Variants in SP140 observed in about 807,000 individuals in gnomAD.
The protein encoded by SP140 is SP140 nuclear body protein.
Under a neutral mutation model 125.0 loss-of-function variants are expected in SP140, and 81 were observed. The ratio of observed to expected loss-of-function variants is 0.65; its 90% CI spans 0.54 to 0.78. The LOEUF (loss-of-function observed/expected upper bound fraction) is 0.78, where lower values mean the gene tolerates loss of function less well. SP140 is among the 30% of genes least tolerant of loss of function. SP140 has a pLI of 0.00. For synonymous variants in SP140, 312 were observed against 354.0 expected (o/e 0.88, Z 1.33); for missense variants, 858 against 1,037.0 (o/e 0.83, Z 2.37).
upstream of SP140, among the ~76,000 whole-genome samples, chr2:230,220,972 A>G (rs1896260): frequency 0.024 from 3,718 of 152,080 alleles, 154 homozygotes; most frequent in African/African-American, 0.085. Flanking sequence ...TGATTGCACC[A>G]CTGCACTATA....
At chr2:230,292,881 C>T (rs2149491308) in intron 20 of SP140, 93 bp downstream of exon 20, 1 of 1,560,594 alleles carries the variant, frequency 6.4e-7, no homozygotes, top group East Asian at 2.3e-5. Flanking sequence ...TAGGTTATAG[C>T]TAAAGCCTTG....
upstream of SP140, chr2:230,221,756 C>T: frequency 6.5e-7 from 1 of 1,535,004 alleles, no homozygotes; most frequent in Non-Finnish European, 8.7e-7. Flanking sequence ...ATCTGAGGAT[C>T]CTGGCAGCAA....
the SP140 span, among the ~76,000 whole-genome samples, chr2:230,186,722 T>A: frequency 6.6e-6 from 1 of 152,174 alleles, no homozygotes; most frequent in South Asian, 2.1e-4. Flanking sequence ...AGTACTAATA[T>A]CTTAGCTCCC....
the SP140 span, among the ~76,000 whole-genome samples, chr2:230,196,884 A>G: frequency 9.8e-5 from 15 of 152,294 alleles, no homozygotes; most frequent in Admixed American, 6.5e-4. Context: ...ATCATTTTTT[A>G]TGGCTGCATA....
chr2:230,259,105 T>A (rs2051748442), intron 12 of SP140, among the ~76,000 whole-genome samples: 1 of 152,152 alleles, frequency 6.6e-6, no homozygotes, highest in African/African-American at 2.4e-5. Context: ...TTATTTATTT[T>A]TATTTTTCCG....
chr2:230,310,560 G>A (rs1382274978), intron 23 of SP140, among the ~76,000 whole-genome samples, 183 bp from the exon 24 acceptor site: 1 of 152,034 alleles, frequency 6.6e-6, no homozygotes, highest in Non-Finnish European at 1.5e-5. Context: ...TGCTACCACT[G>A]ATGCGAGGGA....
the SP140 span, among the ~76,000 whole-genome samples, chr2:230,194,915 G>A: frequency 6.6e-6 from 1 of 152,150 alleles, no homozygotes; most frequent in Non-Finnish European, 1.5e-5. Context: ...CTGATGGGGT[G>A]GCCTAGGGGA....
chr2:230,238,312 G>T lies in SP140; in HGVS notation c.337G>T (p.Ala113Ser). The T allele has an allele frequency of 6.2e-7, 1 of 1,614,030 alleles. No individual in the cohort carries two copies. Among genetic ancestry groups the T allele is most frequent in the South Asian group, 1.1e-5 (1 of 91,072 alleles). The change falls in exon 3 of 27, where the codon GCA becomes TCA. Residue 113 changes from alanine (A) to serine (S), a missense_variant. Physicochemically the swap from Ala to Ser is moderately conservative, Grantham distance 99. This residue lies in a region of SP140 where 791 missense variants were observed against 869.5 expected (regional missense o/e 0.91). Transcript: ENST00000392045. ...EKTFGWSHLEALFSRINLMAY... is the reference protein window; with the variant it reads ...EKTFGWSHLESLFSRINLMAY... ...GACATTTGGCTGGTCACATCTGGAA[G>T]CATTGTTCAGCAGGATTAACCTGAT...
downstream of SP140, among the ~76,000 whole-genome samples, chr2:230,314,256 C>T (rs1479473065): frequency 6.6e-6 from 1 of 152,196 alleles, no homozygotes; most frequent in Non-Finnish European, 1.5e-5. Flanking sequence ...CTACCACCCC[C>T]ACCCAACTCC....
In SP140 at chr2:230,250,799, C is replaced by T. The variant is rs549060729; in HGVS notation, c.977-182C>T. Among the ~76,000 whole-genome samples, 13 of 152,240 alleles carry T rather than the reference C, an allele frequency of 8.5e-5. No homozygotes were observed. In the South Asian group the frequency reaches 2.7e-3, roughly 32 times the overall value. On this transcript the variant is annotated intron_variant, in intron 9 of 26. Transcript: ENST00000392045. ...AAGTGAGCTGATGGATGGTTCTCAG[C>T]CTTGGTGACAGCAACTGGAGTGCAT... is the stretch of plus-strand genomic sequence containing the variant.
intron 14 of SP140, 110 bp from the exon 15 acceptor site, chr2:230,270,476 T>G (rs1300786008): frequency 9.0e-7 from 1 of 1,112,372 alleles, no homozygotes; most frequent in African/African-American, 1.6e-5. Flanking sequence ...AGAGGAATGA[T>G]TATCCAAGCA....
chr2:230,207,833 G>A (rs2044036848), intron 1 of SP140, among the ~76,000 whole-genome samples: 2 of 151,896 alleles, frequency 1.3e-5, no homozygotes, highest in Admixed American at 6.6e-5. Context: ...TCTTTACACC[G>A]TAGCAAAATT....
chr2:230,230,429 CAT>C (rs1337857733), intron 1 of SP140: 1 of 152,138 alleles, frequency 6.6e-6, no homozygotes, highest in Admixed American at 6.5e-5. Context: ...GGTTATGGAT[CAT>C]GTGACCTCCA....
At position 230,243,828 on chromosome 2, in the gene SP140, TTG is replaced by T; in HGVS notation, c.571+18_571+19del. The T allele has an allele frequency of 6.3e-7, 1 of 1,578,990 alleles. No individual in the cohort carries two copies. The highest frequency in any genetic ancestry group is 1.1e-5 in the South Asian group (1 of 90,364). ...GTGAGCCAGGTAAGGAAGGAGTGAC[TTG>T]CTCTCCCTGACCTGCAGGGTGTCAG... On this transcript the variant is annotated intron_variant, in intron 5 of 26. Transcript: ENST00000392045.
At position 230,237,056 on chromosome 2, in the gene SP140, C is replaced by T. The variant is rs910410347; in HGVS notation, c.60-27C>T. 2.6e-6 allele frequency: 4 copies of T among 1,535,406 alleles called. No individual in the cohort carries two copies. Among genetic ancestry groups the T allele is most frequent in the Non-Finnish European group, 2.6e-6 (3 of 1,143,498 alleles). On this transcript the variant is annotated intron_variant, in intron 1 of 26. Coordinates refer to ENST00000392045, the MANE Select transcript of SP140 (RefSeq NM_007237.5). This position sits in a 1 kb window ranked among gnomAD's most constrained non-coding sequence, Gnocchi z 5.4. ...AAACCTCTTGGAAACTCAGTGTCTACTTCCACGTTGTATCTTTGTTTCTTA... is the reference window on the plus strand; with the variant it reads ...AAACCTCTTGGAAACTCAGTGTCTATTTCCACGTTGTATCTTTGTTTCTTA...
upstream of SP140, among the ~76,000 whole-genome samples, chr2:230,223,015 G>A (rs1403402586): frequency 6.6e-6 from 1 of 150,700 alleles, no homozygotes; most frequent in East Asian, 1.9e-4. Flanking sequence ...TGTCTGATCA[G>A]CATGATGTCA....
At chr2:230,314,336 C>T (rs770455021), downstream of SP140, among the ~76,000 whole-genome samples, 6 of 152,116 alleles carry the variant, frequency 3.9e-5, no homozygotes, top group African/African-American at 9.7e-5. Context: ...ATGGGCAGGG[C>T]GGCAAAGTGA....
chr2:230,269,610 A>G lies in SP140; in HGVS notation c.1319A>G (p.Asn440Ser). 1.3e-6 allele frequency: 2 copies of G among 1,547,632 alleles called. No homozygotes were observed. The highest frequency in any genetic ancestry group is 1.8e-6 in the Non-Finnish European group (2 of 1,136,116). Residue 440 changes from asparagine to serine, a missense_variant, in exon 13 of 27, where the codon AAT becomes AGT. By Grantham distance (46) the Asn-to-Ser change is conservative (BLOSUM62 1). This residue lies in a region of SP140 where 791 missense variants were observed against 869.5 expected (regional missense o/e 0.91). Coordinates refer to ENST00000392045, the MANE Select transcript of SP140 (RefSeq NM_007237.5). The stretch of plus-strand genomic sequence containing the variant: ...CTTGCTTCTAGCCTGCTATATGATA[A>G]TGTACCAGGTAATTATGACTTAAAA... ...EELASSLLYD[N>S]VPGAEQSAYE...
In SP140 at chr2:230,307,980, TATATATATATAC is replaced by T. The variant is rs1391713608; in HGVS notation, c.2059-1942_2059-1931del. The stretch of plus-strand genomic sequence containing the variant: ...GTATATATATATATATATATATATA[TATATATATATAC>T]ACACACACACACACACACACACACA... On this transcript the variant is annotated intron_variant, in intron 22 of 26. Coordinates refer to ENST00000392045, the MANE Select transcript of SP140 (RefSeq NM_007237.5). Among the ~76,000 whole-genome samples the T allele has an allele frequency of 8.8e-3, 844 of 96,046 alleles. 10 individuals carry two copies. Among genetic ancestry groups the T allele is most frequent in the Non-Finnish European group, 0.014 (631 of 44,686 alleles). 63.0% of individuals were successfully genotyped at this position (96,046 alleles called of 152,430 possible). A position where few individuals can be genotyped will look rare whatever the true frequency, so the allele number is the denominator to read the frequency against.
Sources: gnomAD v4.1 joint callset for allele counts (sites outside exome capture counted in the v4.1 genomes callset) on GRCh38, gnomAD v4.1.1 for gene constraint, gnomAD v4.1.1 regional missense constraint, Gnocchi (gnomAD v3.1) non-coding constraint, MANE v1.5 for transcripts, NCBI Gene and HGNC (gene_info 2026-07-23, HGNC 2026-07-21) for gene names.